Variants in MCMDC2 observed in about 807,000 individuals in gnomAD.
MCMDC2 encodes minichromosome maintenance domain containing 2.
In MCMDC2, 54 loss-of-function variants were observed where a neutral mutation model predicts 75.8. That is an observed-to-expected ratio of 0.71 (90% CI 0.57 to 0.89). The LOEUF (loss-of-function observed/expected upper bound fraction) is 0.89. Among genes scored for constraint, MCMDC2 ranks in the 40% least tolerant of loss-of-function variants. The pLI is 0.00. For missense variants in MCMDC2, 656 were observed against 780.4 expected (o/e 0.84, Z 1.90); for synonymous variants, 249 against 274.6 (o/e 0.91, Z 0.92).
chr8:66,918,862 G>C (rs924644547), intron 14 of MCMDC2, 141 bp from the exon 15 acceptor site: 2 of 650,798 alleles, frequency 3.1e-6, no homozygotes, highest in African/African-American at 1.9e-5. Context: ...TTAATTTTTT[G>C]ACTTTTATTT....
chr8:66,907,225 G>GC lies in MCMDC2; in HGVS notation c.1879+1895dup, dbSNP rs573835633. ...TTGTCCTAATGCTCTCCTTCCCCTT[G>GC]CCCCCGCCAACCCCCAACAGGCCTC... On this transcript the variant is annotated intron_variant, in intron 14 of 14. Coordinates refer to ENST00000422365, the MANE Select transcript of MCMDC2 (RefSeq NM_173518.5). 7.6e-4 allele frequency among the ~76,000 whole-genome samples: 116 copies of GC among 151,908 alleles called. No individual in the cohort carries two copies. The East Asian group carries it at 0.022, about 28-fold the overall frequency.
chr8:66,918,085 T>A (rs572614011), intron 14 of MCMDC2, among the ~76,000 whole-genome samples: 2 of 152,350 alleles, frequency 1.3e-5, no homozygotes, highest in Non-Finnish European at 1.5e-5. Flanking sequence ...TTTATTTTTA[T>A]AATAAATCCT....
chr8:66,918,904 T>C, intron 14 of MCMDC2, 99 bp from the exon 15 acceptor site: 1 of 1,102,156 alleles, frequency 9.1e-7, no homozygotes, highest in South Asian at 2.5e-5. Flanking sequence ...AGACTTAATT[T>C]TTAAGATTCC....
Position 66,891,021 on chromosome 8 carries a change from A to C in MCMDC2, c.1230A>C (p.Ile410=). 6.3e-7 allele frequency: 1 copy of C among 1,597,876 alleles called. No individual in the cohort carries two copies. Among genetic ancestry groups the C allele is most frequent in the African/African-American group, 1.4e-5 (1 of 73,950 alleles). ...TAGCTAAAGGTGGTATCTGCTTTATAGGAGACTTGGCTTCACACAAAAAAG... is the reference window on the plus strand; with the variant it reads ...TAGCTAAAGGTGGTATCTGCTTTATCGGAGACTTGGCTTCACACAAAAAAG... ...ALLAKGGICF[I]GDLASHKKDK... Residue 410 remains isoleucine, a synonymous_variant, in exon 10 of 15, where the codon ATA becomes ATC. Coordinates refer to ENST00000422365, the MANE Select transcript of MCMDC2 (RefSeq NM_173518.5).
chr8:66,887,783 A>C (rs1177187475), intron 9 of MCMDC2, among the ~76,000 whole-genome samples: 1 of 152,060 alleles, frequency 6.6e-6, no homozygotes, highest in Non-Finnish European at 1.5e-5. Flanking sequence ...CATTTATCCA[A>C]TTTTTCCACA....
chr8:66,926,258 C>A (rs186629529), downstream of MCMDC2: 1 of 152,148 alleles, frequency 6.6e-6, no homozygotes, highest in East Asian at 1.9e-4. Context: ...TTCTGTTTTT[C>A]TCATTGTATT....
Position 66,920,970 on chromosome 8 carries a change from A to T in MCMDC2, c.*1801A>T, listed in dbSNP as rs943947689. 2.6e-5 allele frequency: 4 copies of T among 152,026 alleles called. No homozygotes were observed. Among genetic ancestry groups the T allele is most frequent in the African/African-American group, 9.7e-5 (4 of 41,396 alleles). 9.4% of individuals were successfully genotyped at this position (152,026 alleles called of 1,614,324 possible). On this transcript the variant is annotated 3_prime_UTR_variant, in exon 15 of 15. Transcript: ENST00000422365. ...GTGAGCCACCATGCATGGCACAAAG[A>T]TGGCTTTTATTTACTTATCTATATT... is the stretch of plus-strand genomic sequence containing the variant.
downstream of MCMDC2, chr8:66,922,628 C>A: frequency 2.3e-6 from 1 of 441,156 alleles, no homozygotes; most frequent in South Asian, 1.7e-5. Context: ...ATACATGCCG[C>A]GTGATCCTAG....
intron 4 of MCMDC2, among the ~76,000 whole-genome samples, chr8:66,874,928 G>A (rs1482339807): frequency 6.6e-6 from 1 of 151,700 alleles, no homozygotes; most frequent in Non-Finnish European, 1.5e-5. Context: ...GCTAATTTTT[G>A]TATTTTTAGT....
rs533334211 is a variant in MCMDC2, at chr8:66,900,447, T to TA, written c.1627-749dup. Among the ~76,000 whole-genome samples, 76 of 145,898 alleles carry TA rather than the reference T, an allele frequency of 5.2e-4. 1 individual carries two copies. The highest frequency in any genetic ancestry group is 1.2e-3 in the East Asian group (6 of 5,038). On this transcript the variant is annotated intron_variant, in intron 12 of 14. Transcript: ENST00000422365. ...GAGCGAAACTCCTTCTCAAAATAAA[T>TA]AAAAAAAAAACATATAAATTTTATA...
chr8:66,895,337 A>G (rs1325546576), intron 10 of MCMDC2, among the ~76,000 whole-genome samples: 1 of 151,724 alleles, frequency 6.6e-6, no homozygotes, highest in African/African-American at 2.4e-5. Flanking sequence ...GTCCTCCGCA[A>G]TGGCCCTGGC....
At chr8:66,918,645 C>G (rs1413586161) in intron 14 of MCMDC2, among the ~76,000 whole-genome samples, 1 of 152,166 alleles carries the variant, frequency 6.6e-6, no homozygotes, top group African/African-American at 2.4e-5. Context: ...CTCCTCACAT[C>G]ACTCATCAGC....
At chr8:66,877,211 T>C in intron 4 of MCMDC2, 138 bp from the exon 5 acceptor site, 1 of 509,094 alleles carries the variant, frequency 2.0e-6, no homozygotes, top group African/African-American at 2.0e-5. Flanking sequence ...ATGTTGTTTC[T>C]CTAATGCTTA....
intron 10 of MCMDC2, among the ~76,000 whole-genome samples, chr8:66,893,091 C>T (rs190834793): frequency 6.6e-6 from 1 of 152,292 alleles, no homozygotes; most frequent in East Asian, 1.9e-4. Flanking sequence ...AGATTTATAA[C>T]TAGCAAGGAT....
chr8:66,900,483 A>G (rs1021164288), intron 12 of MCMDC2, among the ~76,000 whole-genome samples: 1 of 151,912 alleles, frequency 6.6e-6, no homozygotes, highest in Non-Finnish European at 1.5e-5. Context: ...GTTAATAGCA[A>G]CCTTTCTCCA....
Position 66,878,621 on chromosome 8 carries a change from A to C in MCMDC2, c.529A>C (p.Thr177Pro). The change falls in exon 6 of 15, where the codon ACG becomes CCG. Residue 177 changes from threonine (T) to proline (P), a missense_variant. Thr to Pro is a conservative substitution (Grantham distance 38). Transcript: ENST00000422365. Reference sequence around the variant, plus strand: ...TGTGCCTGGTGCTACAGAATCTGCAACGATAAGAAATGACTTTTTGTGTAA... The same window carrying C: ...TGTGCCTGGTGCTACAGAATCTGCACCGATAAGAAATGACTTTTTGTGTAA... ...VHVPGATESATIRNDFLCNLC... is the reference protein window; with the variant it reads ...VHVPGATESAPIRNDFLCNLC... 1 of 1,570,190 alleles carries C rather than the reference A, an allele frequency of 6.4e-7. No homozygotes were observed. Among genetic ancestry groups the C allele is most frequent in the South Asian group, 1.2e-5 (1 of 80,116 alleles).
chr8:66,883,549 T>C (rs1282064508), intron 8 of MCMDC2, among the ~76,000 whole-genome samples: 4 of 152,038 alleles, frequency 2.6e-5, no homozygotes, highest in Non-Finnish European at 5.9e-5. Flanking sequence ...ATCATAGCAC[T>C]TTGGGAGGTC....
chr8:66,925,239 C>T (rs1813684855), downstream of MCMDC2, among the ~76,000 whole-genome samples: 1 of 152,240 alleles, frequency 6.6e-6, no homozygotes. Flanking sequence ...GGTGGTTACT[C>T]ACAAAACGCG....
Position 66,883,754 on chromosome 8 carries a change from C to T in MCMDC2, c.836-3C>T. On this transcript the variant is annotated splice_polypyrimidine_tract_variant and splice_region_variant and intron_variant, in intron 8 of 14. Coordinates refer to ENST00000422365, the MANE Select transcript of MCMDC2 (RefSeq NM_173518.5). ...TAATATATATGTTAATATTTACTTTCAGTTCCTTCAGGAATTAGTGACAAC... is the reference window on the plus strand; with the variant it reads ...TAATATATATGTTAATATTTACTTTTAGTTCCTTCAGGAATTAGTGACAAC... 2 of 1,540,806 alleles carry T rather than the reference C, an allele frequency of 1.3e-6. No individual in the cohort carries two copies. The highest frequency in any genetic ancestry group is 1.8e-6 in the Non-Finnish European group (2 of 1,119,810).
Sources: allele counts gnomAD v4.1 joint callset (sites outside exome capture counted in the v4.1 genomes callset), GRCh38; gene constraint gnomAD v4.1.1; transcripts MANE v1.5; gene names NCBI Gene and HGNC (gene_info 2026-07-23, HGNC 2026-07-21).